The following JDP2 variants were observed in gnomAD, a reference collection of about 807,000 sequenced individuals.
JDP2 encodes Jun dimerization protein 2, also known as progesterone receptor co-activator.
In JDP2, 9 loss-of-function variants were observed where a neutral mutation model predicts 17.1. The observed-to-expected ratio is 0.53, with a 90% CI of 0.32 to 0.92. The LOEUF is 0.92. Ranked by LOEUF, JDP2 falls within the 40% of genes least tolerant of loss-of-function variation. JDP2 has a pLI of 0.04. For synonymous variants in JDP2, 107 were observed against 95.6 expected, an observed-to-expected ratio of 1.12 and a Z score of -0.69; for missense variants, 179 against 220.0, an observed-to-expected ratio of 0.81 and a Z score of 1.18.
chr14:75,445,377 C>G lies in JDP2; in HGVS notation c.201+7256C>G, dbSNP rs75200934. On this transcript the variant is annotated intron_variant, in intron 2 of 3. Transcript: ENST00000651602. ...TATGCTGGGGCTCATTGACTGTGCT[C>G]TGCTCTGTGGCTACAGGATCCCCTT... 1,970 of 985,462 alleles carry G rather than the reference C, an allele frequency of 2.0e-3. 30 individuals are homozygous for G. The African/African-American group carries it at 0.032, about 16-fold the overall frequency. 61.0% of individuals were successfully genotyped at this position (985,462 alleles called of 1,614,324 possible). A position where few individuals can be genotyped will look rare whatever the true frequency, so the allele number is the denominator to read the frequency against.
chr14:75,448,379 A>T (rs181605509), intron 2 of JDP2, among the ~76,000 whole-genome samples: 1 of 152,290 alleles, frequency 6.6e-6, no homozygotes, highest in East Asian at 1.9e-4. Flanking sequence ...ATGATGCAAT[A>T]AGCCCCCCAG....
intron 2 of JDP2, among the ~76,000 whole-genome samples, chr14:75,440,355 G>A (rs2140051493): frequency 6.6e-6 from 1 of 152,340 alleles, no homozygotes; most frequent in Admixed American, 6.5e-5. Context: ...GGGGCGGGAA[G>A]AGCTAATTCT....
At chr14:75,446,564 A>AGAGTG (rs1885610185) in intron 2 of JDP2, among the ~76,000 whole-genome samples, 1 of 152,244 alleles carries the variant, frequency 6.6e-6, no homozygotes, top group African/African-American at 2.4e-5. Flanking sequence ...AAGAGACCAC[A>AGAGTG]GAGTGTGTGG....
chr14:75,469,580 AC>A lies in JDP2; in HGVS notation c.*106del. 1 of 983,098 alleles carries A rather than the reference AC, an allele frequency of 1.0e-6. No homozygotes were observed. The highest frequency in any genetic ancestry group is 1.5e-6 in the Non-Finnish European group (1 of 668,006). 60.9% of individuals were successfully genotyped at this position (983,098 alleles called of 1,614,324 possible). ...TGGCCCTTCCTTTGGTGCATGAAAA[AC>A]TGTACAATGAGGTTCAGCACAGCCA... On this transcript the variant is annotated 3_prime_UTR_variant, in exon 4 of 4. Transcript: ENST00000651602.
At position 75,469,431 on chromosome 14, in the gene JDP2, G is replaced by A. The variant is rs750370721; in HGVS notation, c.448G>A (p.Glu150Lys). Residue 150 changes from glutamate to lysine, a missense_variant, in exon 4 of 4, where the codon GAG (glutamate) becomes AAG (lysine). Coordinates refer to ENST00000651602, the MANE Select transcript of JDP2 (RefSeq NM_001135048.2). ...IVRTDSVKTPESEGNPLLEQL... is the reference protein window; with the variant it reads ...IVRTDSVKTPKSEGNPLLEQL... Reference sequence around the variant, plus strand: ...CCGGACCGACAGTGTCAAGACCCCCGAGTCAGAAGGCAACCCACTGCTCGA... The same window carrying A: ...CCGGACCGACAGTGTCAAGACCCCCAAGTCAGAAGGCAACCCACTGCTCGA... 6.2e-6 allele frequency: 10 copies of A among 1,614,082 alleles called. No homozygotes were observed. Among genetic ancestry groups the A allele is most frequent in the Admixed American group, 1.7e-5 (1 of 60,016 alleles).
At chr14:75,436,116 G>A (rs948725047) in intron 1 of JDP2, among the ~76,000 whole-genome samples, 3 of 152,176 alleles carry the variant, frequency 2.0e-5, no homozygotes, top group African/African-American at 4.8e-5. Context: ...CTCTGGACTT[G>A]GACAGGGAAC....
chr14:75,433,864 A>G (rs753458187), intron 1 of JDP2, among the ~76,000 whole-genome samples: 7 of 152,134 alleles, frequency 4.6e-5, no homozygotes, highest in Non-Finnish European at 1.0e-4. Context: ...TGTTCTGCCA[A>G]TGGATAGAAC....
chr14:75,429,186 G>A (rs1884674448), intron 1 of JDP2, among the ~76,000 whole-genome samples: 1 of 152,174 alleles, frequency 6.6e-6, no homozygotes, highest in Non-Finnish European at 1.5e-5. Flanking sequence ...GGGATGGAGA[G>A]GCTGGTGGAA....
At chr14:75,451,248 C>G (rs939511071) in intron 2 of JDP2, among the ~76,000 whole-genome samples, 7 of 151,634 alleles carry the variant, frequency 4.6e-5, no homozygotes, top group African/African-American at 1.7e-4. Flanking sequence ...TGTGCAGGAT[C>G]TGGAGGCCTC....
At chr14:75,452,802 G>T (rs925164326) in intron 2 of JDP2, among the ~76,000 whole-genome samples, 21 of 152,168 alleles carry the variant, frequency 1.4e-4, no homozygotes, top group Admixed American at 1.2e-3. Flanking sequence ...CCCCTGAGGT[G>T]ATGTGAGTCT....
At chr14:75,458,635 G>A (rs1886218089) in intron 2 of JDP2, among the ~76,000 whole-genome samples, 1 of 152,184 alleles carries the variant, frequency 6.6e-6, no homozygotes, top group Non-Finnish European at 1.5e-5. Flanking sequence ...AAATACACAT[G>A]CCTGTGTCTT....
intron 2 of JDP2, among the ~76,000 whole-genome samples, chr14:75,451,333 A>C (rs1196974529): frequency 6.6e-6 from 1 of 151,920 alleles, no homozygotes; most frequent in East Asian, 1.9e-4. Context: ...GGGGGGAGCA[A>C]ATCTGACGAA....
chr14:75,430,058 A>T lies in JDP2; in HGVS notation c.-24+1806A>T, dbSNP rs2140028448. On this transcript the variant is annotated intron_variant, in intron 1 of 3. Transcript: ENST00000651602. The surrounding 1 kb of genome is among the most constrained non-coding windows in gnomAD (Gnocchi z 4.5). The stretch of plus-strand genomic sequence containing the variant: ...GAAGGGTTTGGATAAGGGTCTCCCC[A>T]CTCATCCACTGCCTAACTTTTGCAG... Among the ~76,000 whole-genome samples the T allele has an allele frequency of 6.6e-6, 1 of 152,204 alleles. No individual in the cohort carries two copies. The highest frequency in any genetic ancestry group is 2.1e-4 in the South Asian group (1 of 4,820).
At chr14:75,449,789 G>C (rs1185884165) in intron 2 of JDP2, among the ~76,000 whole-genome samples, 1 of 152,174 alleles carries the variant, frequency 6.6e-6, no homozygotes, top group Non-Finnish European at 1.5e-5. Flanking sequence ...TAGGTTTTCT[G>C]TCTGTGCCAA....
intron 3 of JDP2, among the ~76,000 whole-genome samples, chr14:75,468,471 C>A (rs1886665144): frequency 6.6e-6 from 1 of 152,162 alleles, no homozygotes; most frequent in African/African-American, 2.4e-5. Flanking sequence ...TTTTACTGTT[C>A]AATCCCCCAA....
At chr14:75,457,676 G>A (rs1442348947) in intron 2 of JDP2, among the ~76,000 whole-genome samples, 1 of 152,280 alleles carries the variant, frequency 6.6e-6, no homozygotes, top group East Asian at 1.9e-4. Context: ...GGAACTGGGG[G>A]CTCTAGGCCT....
intron 2 of JDP2, among the ~76,000 whole-genome samples, chr14:75,441,532 G>A (rs1251358207): frequency 5.9e-5 from 9 of 152,090 alleles, no homozygotes; most frequent in African/African-American, 1.7e-4. Flanking sequence ...TTGCAGTGAC[G>A]GCATCCAAAA....
intron 2 of JDP2, among the ~76,000 whole-genome samples, chr14:75,456,043 T>C (rs1393487304): frequency 2.0e-5 from 3 of 152,170 alleles, no homozygotes; most frequent in Non-Finnish European, 4.4e-5. Context: ...GCCCCTGGCA[T>C]CACCTGACCT....
intron 3 of JDP2, among the ~76,000 whole-genome samples, chr14:75,462,816 A>G (rs908564399): frequency 1.3e-5 from 2 of 152,032 alleles, no homozygotes; most frequent in Non-Finnish European, 2.9e-5. Context: ...TGTAGACAGC[A>G]TGGGGCCGTG....
Sources: gnomAD v4.1 joint callset for allele counts (sites outside exome capture counted in the v4.1 genomes callset) on GRCh38, gnomAD v4.1.1 for gene constraint, Gnocchi (gnomAD v3.1) non-coding constraint, MANE v1.5 for transcripts, NCBI Gene and HGNC (gene_info 2026-07-23, HGNC 2026-07-21) for gene names.